Variants in CNBD1 observed in about 807,000 individuals in gnomAD.
CNBD1 encodes the protein cyclic nucleotide binding domain containing 1.
In CNBD1, 71 loss-of-function variants were observed where a neutral mutation model predicts 54.4. The ratio of observed to expected loss-of-function variants is 1.30; its 90% confidence interval spans 1.08 to 1.59. The LOEUF is 1.59. Ranked by LOEUF, CNBD1 falls within the 40% of genes most tolerant of loss-of-function variation. The pLI is 0.00. For missense variants in CNBD1, 659 were observed against 518.0 expected (o/e 1.27, Z -2.64); for synonymous variants, 182 against 170.7 (o/e 1.07, Z -0.51).
intron 1 of CNBD1, among the ~76,000 whole-genome samples, chr8:86,882,326 C>T (rs1027459942): frequency 2.6e-5 from 4 of 151,792 alleles, no homozygotes; most frequent in Non-Finnish European, 5.9e-5. Context: ...AACAAATTTA[C>T]AAGAAAAAAA....
chr8:87,304,457 A>T (rs1316721848), intron 8 of CNBD1, among the ~76,000 whole-genome samples: 1 of 151,696 alleles, frequency 6.6e-6, no homozygotes, highest in Non-Finnish European at 1.5e-5. Flanking sequence ...GGACACAGGA[A>T]GGGGAACATC....
At position 86,939,776 on chromosome 8, in the gene CNBD1, C is replaced by A. The variant is rs748728675; in HGVS notation, c.431+22C>A. ...AATTGTAAGTATTTAAAATATATTC[C>A]TTCTTCTAATTGAGTAATTCTTTTG... On this transcript the variant is annotated intron_variant, in intron 4 of 10. Coordinates refer to ENST00000518476, the MANE Select transcript of CNBD1 (RefSeq NM_173538.3). 8.0e-6 allele frequency: 11 copies of A among 1,380,274 alleles called. No individual in the cohort carries two copies. The Admixed American group carries it at 2.2e-4, about 27-fold the overall frequency. The allele number at this position is 1,380,274 out of a possible 1,614,324, so 85.5% of individuals were successfully genotyped here.
In CNBD1 at chr8:87,188,766, A is replaced by T. The variant is rs1449210059; in HGVS notation, c.432-17227A>T. On this transcript the variant is annotated intron_variant, in intron 4 of 10. Coordinates refer to ENST00000518476, the MANE Select transcript of CNBD1 (RefSeq NM_173538.3). ...TCCATCTCAAAAAAAAAAAAAAATA[A>T]AAATAAAAAATAAGTAAATAAATAA... is the stretch of plus-strand genomic sequence containing the variant. Among the ~76,000 whole-genome samples, 309 of 151,418 alleles carry T rather than the reference A, an allele frequency of 2.0e-3. 2 individuals are homozygous for T. Among genetic ancestry groups the T allele is most frequent in the African/African-American group, 7.0e-3 (291 of 41,304 alleles).
intron 10 of CNBD1, among the ~76,000 whole-genome samples, chr8:87,364,009 C>A (rs1272679170): frequency 2.0e-5 from 3 of 150,530 alleles, no homozygotes; most frequent in Admixed American, 6.6e-5. Flanking sequence ...TTAGACAAAT[C>A]TTTGACAACC....
At chr8:87,074,799 T>C (rs978052283) in intron 4 of CNBD1, among the ~76,000 whole-genome samples, 6 of 152,146 alleles carry the variant, frequency 3.9e-5, no homozygotes, top group African/African-American at 1.4e-4. Context: ...ATATTTCAGT[T>C]GAAGGCACTG....
At chr8:87,417,896 ATAAAT>A (rs10550708) in intron 2 of CNBD1, among the ~76,000 whole-genome samples, 24,940 of 151,644 alleles carry the variant, frequency 0.16, 2,798 homozygotes, top group African/African-American at 0.33. Flanking sequence ...TATTATTGAA[ATAAAT>A]TAGAGAAAAC....
intron 8 of CNBD1, among the ~76,000 whole-genome samples, chr8:87,297,064 G>T (rs1208809919): frequency 6.7e-6 from 1 of 149,752 alleles, no homozygotes; most frequent in East Asian, 2.0e-4. Flanking sequence ...TGTAGTCCCA[G>T]CTACTCCGGA....
At chr8:87,255,888 T>C (rs1285315868) in intron 6 of CNBD1, among the ~76,000 whole-genome samples, 1 of 144,784 alleles carries the variant, frequency 6.9e-6, no homozygotes, top group African/African-American at 2.5e-5. Context: ...AAGCATATTA[T>C]GCCTTAAATA....
At chr8:87,358,787 G>A (rs900016194) in intron 10 of CNBD1, among the ~76,000 whole-genome samples, 27 of 152,094 alleles carry the variant, frequency 1.8e-4, no homozygotes, top group African/African-American at 6.5e-4. Context: ...AACTGGAGAG[G>A]GCAGACAGGA....
intron 5 of CNBD1, among the ~76,000 whole-genome samples, chr8:87,215,698 C>T (rs1198069878): frequency 1.3e-5 from 2 of 151,982 alleles, no homozygotes; most frequent in South Asian, 2.1e-4. Flanking sequence ...CGGAATTGTA[C>T]ATTTTAAAAG....
At chr8:86,966,552 A>G (rs1354659731) in intron 4 of CNBD1, among the ~76,000 whole-genome samples, 2 of 152,088 alleles carry the variant, frequency 1.3e-5, no homozygotes, top group Admixed American at 6.5e-5. Flanking sequence ...ACAGCTCTTA[A>G]AGGTGGCACA....
At chr8:87,214,476 TG>T (rs1814164979) in intron 5 of CNBD1, among the ~76,000 whole-genome samples, 1 of 152,196 alleles carries the variant, frequency 6.6e-6, no homozygotes, top group South Asian at 2.1e-4. Flanking sequence ...CACATTTTCC[TG>T]TCTTCTTCTG....
At chr8:87,241,048 G>A (rs1807689465) in intron 6 of CNBD1, among the ~76,000 whole-genome samples, 1 of 152,046 alleles carries the variant, frequency 6.6e-6, no homozygotes, top group South Asian at 2.1e-4. Flanking sequence ...GAGCCCAGAG[G>A]TCACTGGGAG....
intron 4 of CNBD1, among the ~76,000 whole-genome samples, chr8:87,108,490 T>C (rs1383555816): frequency 1.3e-5 from 2 of 152,178 alleles, no homozygotes; most frequent in Non-Finnish European, 1.5e-5. Context: ...TGAATCTGCA[T>C]TGTGACATGA....
chr8:87,299,579 A>C (rs1487626472), intron 8 of CNBD1, among the ~76,000 whole-genome samples: 1 of 152,214 alleles, frequency 6.6e-6, no homozygotes, highest in Admixed American at 6.5e-5. Flanking sequence ...AAAATCATAG[A>C]TTAAATGGAT....
chr8:86,890,532 T>C (rs886065453), intron 2 of CNBD1, among the ~76,000 whole-genome samples: 1 of 152,170 alleles, frequency 6.6e-6, no homozygotes, highest in Non-Finnish European at 1.5e-5. Flanking sequence ...TTGTGAACAG[T>C]GCTGCCATAA....
chr8:87,023,211 T>G (rs1251158423), intron 4 of CNBD1, among the ~76,000 whole-genome samples: 1 of 152,124 alleles, frequency 6.6e-6, no homozygotes, highest in Non-Finnish European at 1.5e-5. Context: ...TTGCTGAAGG[T>G]AACAGATGAA....
rs185022714 is a variant in CNBD1, at chr8:86,913,542, G to A, written c.272+8348G>A. 2.6e-5 allele frequency among the ~76,000 whole-genome samples: 4 copies of A among 152,156 alleles called. No individual in the cohort carries two copies. In the East Asian group the frequency reaches 5.8e-4, roughly 22 times the overall value. On this transcript the variant is annotated intron_variant, in intron 3 of 10. Coordinates refer to ENST00000518476, the MANE Select transcript of CNBD1 (RefSeq NM_173538.3). Reference sequence around the variant, plus strand: ...GTGTCTGGGGGAGACATCACATGTCGGCGGGTTCTGTGATGCCCCCTGAGC... The same window carrying A: ...GTGTCTGGGGGAGACATCACATGTCAGCGGGTTCTGTGATGCCCCCTGAGC...
intron 8 of CNBD1, among the ~76,000 whole-genome samples, chr8:87,327,435 G>A (rs1048100004): frequency 5.3e-5 from 8 of 152,176 alleles, no homozygotes; most frequent in East Asian, 1.9e-4. Context: ...ATCTCAGACT[G>A]CTGTGCTAGC....
Sources: allele counts gnomAD v4.1 joint callset (sites outside exome capture counted in the v4.1 genomes callset), GRCh38; gene constraint gnomAD v4.1.1; transcripts MANE v1.5; gene names NCBI Gene and HGNC (gene_info 2026-07-23, HGNC 2026-07-21).